The following DGKG variants were observed in gnomAD, a reference collection of about 807,000 sequenced individuals.
The protein encoded by DGKG is diacylglycerol kinase gamma.
A neutral mutation model predicts 105.3 loss-of-function variants in DGKG; 78 were observed. The observed-to-expected ratio is 0.74, with a 90% CI of 0.62 to 0.89. The LOEUF is 0.89. Ranked by LOEUF, DGKG falls within the 40% of genes least tolerant of loss-of-function variation. DGKG has a pLI of 0.00. For synonymous variants in DGKG, 346 were observed against 367.1 expected (o/e 0.94, Z 0.66); for missense variants, 958 against 1,020.1 (o/e 0.94, Z 0.83).
At chr3:186,337,458 G>T (rs1725884402) in intron 1 of DGKG, among the ~76,000 whole-genome samples, 1 of 152,002 alleles carries the variant, frequency 6.6e-6, no homozygotes, top group South Asian at 2.1e-4. Context: ...GAAGGTAAAT[G>T]AAACCTCCTT....
At chr3:186,246,419 A>G (rs764742675) in intron 19 of DGKG, among the ~76,000 whole-genome samples, 1 of 152,234 alleles carries the variant, frequency 6.6e-6, no homozygotes, top group Non-Finnish European at 1.5e-5. Context: ...CTCACTCAAC[A>G]TCTTAATTAA....
chr3:186,334,131 C>T (rs1270068466), intron 1 of DGKG, among the ~76,000 whole-genome samples: 1 of 152,132 alleles, frequency 6.6e-6, no homozygotes, highest in Non-Finnish European at 1.5e-5. Flanking sequence ...ACAGCAGCAG[C>T]CGCTTACTGA....
chr3:186,304,925 T>C (rs1482402454), intron 3 of DGKG, among the ~76,000 whole-genome samples: 1 of 152,212 alleles, frequency 6.6e-6, no homozygotes, highest in Non-Finnish European at 1.5e-5. Flanking sequence ...GGGCAGGAAC[T>C]GTGCTTCTAT....
intron 2 of DGKG, among the ~76,000 whole-genome samples, chr3:186,311,313 G>GAA (rs912061066): frequency 2.6e-4 from 39 of 151,768 alleles, no homozygotes; most frequent in African/African-American, 9.2e-4. Context: ...ATTGCCAAGG[G>GAA]AAAAAAAAGC....
At chr3:186,151,334 CAG>C (rs1715747855) in intron 24 of DGKG, among the ~76,000 whole-genome samples, 1 of 152,204 alleles carries the variant, frequency 6.6e-6, no homozygotes, top group Admixed American at 6.5e-5. Flanking sequence ...TAGGAAATGA[CAG>C]TGTGACCGCA....
At chr3:186,215,923 A>G (rs2284840) in intron 20 of DGKG, among the ~76,000 whole-genome samples, 103,009 of 151,224 alleles carry the variant, frequency 0.68, 35,560 homozygotes, top group East Asian at 0.94. Context: ...GACCCCTACT[A>G]TGGGCCAGGT....
At chr3:186,260,538 G>T (rs1297564218) in intron 15 of DGKG, 25 bp from the exon 16 acceptor site, 2 of 1,544,238 alleles carry the variant, frequency 1.3e-6, no homozygotes, top group Non-Finnish European at 1.8e-6. Flanking sequence ...AGAAAAGGAG[G>T]GAGAGAGAGA....
chr3:186,223,011 C>CTATATATATA (rs55753193), intron 20 of DGKG, among the ~76,000 whole-genome samples: 6,505 of 80,340 alleles, frequency 0.081, 890 homozygotes, highest in Non-Finnish European at 0.09. Flanking sequence ...TGTATGTATA[C>CTATATATATA]TATATATATA....
intron 20 of DGKG, among the ~76,000 whole-genome samples, chr3:186,230,507 C>G (rs758328829): frequency 6.6e-6 from 1 of 151,934 alleles, no homozygotes; most frequent in African/African-American, 2.4e-5. Context: ...GAAGGTGAGG[C>G]TGGTGTTTGA....
At chr3:186,172,185 C>T (rs998572008) in intron 22 of DGKG, among the ~76,000 whole-genome samples, 1 of 152,214 alleles carries the variant, frequency 6.6e-6, no homozygotes, top group African/African-American at 2.4e-5. Context: ...TTCAATCAAT[C>T]ATTTAAGAGG....
chr3:186,346,163 C>T (rs188916317), intron 1 of DGKG, among the ~76,000 whole-genome samples: 1 of 152,284 alleles, frequency 6.6e-6, no homozygotes, highest in African/African-American at 2.4e-5. Context: ...CTGTCACTTC[C>T]TTCACATGCT....
At chr3:186,280,606 G>C (rs1479774115) in intron 8 of DGKG, 64 bp downstream of exon 8, 37 of 1,298,112 alleles carry the variant, frequency 2.9e-5, no homozygotes, top group East Asian at 6.9e-5. Context: ...TTCATGTCTT[G>C]AGTGTGTCCC....
At chr3:186,338,455 G>GT (rs1396699860) in intron 1 of DGKG, among the ~76,000 whole-genome samples, 1 of 152,094 alleles carries the variant, frequency 6.6e-6, no homozygotes, top group African/African-American at 2.4e-5. Flanking sequence ...CCCTTGTGGA[G>GT]TTTTTTGTGA....
intron 19 of DGKG, among the ~76,000 whole-genome samples, chr3:186,244,486 C>T (rs1045102122): frequency 2.7e-5 from 4 of 150,876 alleles, no homozygotes; most frequent in Non-Finnish European, 4.4e-5. Context: ...CTCACTGCAA[C>T]CTTCACCTCC....
At chr3:186,329,364 G>A (rs1336487892) in intron 1 of DGKG, among the ~76,000 whole-genome samples, 1 of 152,078 alleles carries the variant, frequency 6.6e-6, no homozygotes, top group Non-Finnish European at 1.5e-5. Context: ...GTTCTGTACG[G>A]ATGTCAGCAT....
chr3:186,150,001 C>T lies in DGKG; in HGVS notation c.*89G>A. The T allele has an allele frequency of 5.3e-6, 8 of 1,496,362 alleles. No individual in the cohort carries two copies. The highest frequency in any genetic ancestry group is 2.3e-5 in the Admixed American group (1 of 44,404). The allele number at this position is 1,496,362 out of a possible 1,614,324, so 92.7% of individuals were successfully genotyped here. A position where few individuals can be genotyped will look rare whatever the true frequency, so the allele number is the denominator to read the frequency against. ...GAGTGTGTATGTGTGTGTGTGTGTG[C>T]ATGTGTGAGTGTGCACATAAATTGT... On this transcript the variant is annotated 3_prime_UTR_variant, in exon 25 of 25. Transcript: ENST00000265022.
intron 15 of DGKG, among the ~76,000 whole-genome samples, chr3:186,261,167 C>G (rs186727729): frequency 6.6e-6 from 1 of 152,206 alleles, no homozygotes; most frequent in Non-Finnish European, 1.5e-5. Flanking sequence ...TTCCAGATCA[C>G]GGTGCCATCT....
At chr3:186,151,031 T>A (rs1336227904) in intron 24 of DGKG, among the ~76,000 whole-genome samples, 1 of 152,214 alleles carries the variant, frequency 6.6e-6, no homozygotes, top group Non-Finnish European at 1.5e-5. Context: ...GCAATTAGAA[T>A]TCAAAGACCT....
chr3:186,317,579 C>G (rs1194631677), intron 2 of DGKG, among the ~76,000 whole-genome samples: 1 of 152,168 alleles, frequency 6.6e-6, no homozygotes. Context: ...TTGGAAGCTC[C>G]CATGATGTCC....
Sources: gnomAD v4.1 joint callset for allele counts (sites outside exome capture counted in the v4.1 genomes callset) on GRCh38, gnomAD v4.1.1 for gene constraint, MANE v1.5 for transcripts, NCBI Gene and HGNC (gene_info 2026-07-23, HGNC 2026-07-21) for gene names.